Variants in PIK3C2A observed in about 807,000 individuals in gnomAD.
The protein encoded by PIK3C2A is phosphatidylinositol-4-phosphate 3-kinase catalytic subunit type 2 alpha.
Under a neutral mutation model 204.5 loss-of-function variants are expected in PIK3C2A, and 97 were observed. The observed-to-expected ratio is 0.47, with a 90% confidence interval of 0.40 to 0.56. The LOEUF is 0.56. Among genes scored for constraint, PIK3C2A ranks in the 20% least tolerant of loss-of-function variants. The pLI, the probability that PIK3C2A is intolerant of heterozygous loss-of-function variation, is 0.00. For missense variants in PIK3C2A, 1,735 were observed against 1,969.2 expected (o/e 0.88, Z 2.25); for synonymous variants, 653 against 664.4 (o/e 0.98, Z 0.26).
At chr11:17,099,499 T>C (rs967105841) in intron 26 of PIK3C2A, among the ~76,000 whole-genome samples, 4 of 152,104 alleles carry the variant, frequency 2.6e-5, no homozygotes, top group African/African-American at 9.7e-5. Context: ...TGAACTGAGA[T>C]TGCACCACTG....
chr11:17,119,193 A>C, intron 17 of PIK3C2A, 27 bp downstream of exon 17: 1 of 1,204,104 alleles, frequency 8.3e-7, no homozygotes. Flanking sequence ...GAAAGTATAA[A>C]GGGAGGTAAT....
At chr11:17,119,699 G>T in intron 16 of PIK3C2A, 87 bp downstream of exon 16, 1 of 768,488 alleles carries the variant, frequency 1.3e-6, no homozygotes, top group Non-Finnish European at 2.1e-6. Flanking sequence ...TTGCTTTCAT[G>T]TTAAAAGGAA....
At chr11:17,138,024 G>A in intron 8 of PIK3C2A, 1 of 629,656 alleles carries the variant, frequency 1.6e-6, no homozygotes. Flanking sequence ...CTTTCACAAT[G>A]ATTTTCTGCT....
At position 17,168,951 on chromosome 11, in the gene PIK3C2A, T is replaced by G. The variant is rs771017928; in HGVS notation, c.791A>C (p.Asp264Ala). 2 of 1,614,150 alleles carry G rather than the reference T, an allele frequency of 1.2e-6. No homozygotes were observed. The highest frequency in any genetic ancestry group is 1.7e-6 in the Non-Finnish European group (2 of 1,180,024). ...GTCTAACCAGTCAAATTTACTGATA[T>G]CCTCAGACTTTGGAGATACCTGTAG... ...SNLQVSPKSE[D>A]ISKFDWLDLD... The change falls in exon 2 of 33, where the codon GAT becomes GCT. Residue 264 changes from aspartate to alanine, a missense_variant. Asp to Ala is a moderately radical substitution (Grantham distance 126, BLOSUM62 -2). Coordinates refer to ENST00000691414, the MANE Select transcript of PIK3C2A (RefSeq NM_002645.4).
Position 17,091,475 on chromosome 11 carries a change from G to A in PIK3C2A, c.4753-16C>T, listed in dbSNP as rs2137259714. The A allele has an allele frequency of 6.2e-7, 1 of 1,610,712 alleles. No homozygotes were observed. Among genetic ancestry groups the A allele is most frequent in the Non-Finnish European group, 8.5e-7 (1 of 1,178,736 alleles). On this transcript the variant is annotated splice_polypyrimidine_tract_variant and intron_variant, in intron 31 of 32. Transcript: ENST00000691414. ...CTTCAGTAACCTAAAAAGAAAAGCAGTCCCTTAATAGTAATGCTTCCTACC... is the reference window on the plus strand; with the variant it reads ...CTTCAGTAACCTAAAAAGAAAAGCAATCCCTTAATAGTAATGCTTCCTACC...
intron 12 of PIK3C2A, among the ~76,000 whole-genome samples, chr11:17,131,159 G>C (rs1849681759): frequency 6.6e-6 from 1 of 152,152 alleles, no homozygotes; most frequent in Admixed American, 6.5e-5. Context: ...CTGCACTCTA[G>C]CCTGGGCAAC....
In PIK3C2A at chr11:17,100,253, G is replaced by T. The variant is rs1056784783; in HGVS notation, c.4009-284C>A. Among the ~76,000 whole-genome samples the T allele has an allele frequency of 8.1e-5, 10 of 122,872 alleles. 1 individual carries two copies. Among genetic ancestry groups the T allele is most frequent in the Middle Eastern group, 4.0e-3 (1 of 252 alleles). 80.6% of individuals were successfully genotyped at this position (122,872 alleles called of 152,430 possible). ...TCTAGGCTCTTTTTTTGGGGGCGGG[G>T]GGGGGGGGCAGGGAGCCGGGTGCGA... On this transcript the variant is annotated intron_variant, in intron 25 of 32. Coordinates refer to ENST00000691414, the MANE Select transcript of PIK3C2A (RefSeq NM_002645.4).
In PIK3C2A at chr11:17,117,579, C is replaced by T. The variant is rs760512361; in HGVS notation, c.3128G>A (p.Arg1043Lys). 7.4e-6 allele frequency: 12 copies of T among 1,613,614 alleles called. No homozygotes were observed. The highest frequency in any genetic ancestry group is 2.2e-5 in the South Asian group (2 of 91,084). ...TTTCGTCTGTTTTAGAAGTTCTTCT[C>T]TAAGTCGTTTTCCTCCTACTGACAG... Reference protein sequence around the residue: ...ALLSVGGKRLREELLKQTKLV... With the variant: ...ALLSVGGKRLKEELLKQTKLV... Residue 1043 changes from arginine to lysine, a missense_variant, in exon 19 of 33, where the codon AGA becomes AAA. Around this residue, in one of 6 missense-constraint regions of PIK3C2A, gnomAD observed 567 missense variants for 576.0 expected, o/e 0.98. Coordinates refer to ENST00000691414, the MANE Select transcript of PIK3C2A (RefSeq NM_002645.4).
At chr11:17,140,183 G>A (rs1388244226) in intron 8 of PIK3C2A, among the ~76,000 whole-genome samples, 2 of 152,162 alleles carry the variant, frequency 1.3e-5, no homozygotes, top group African/African-American at 2.4e-5. Context: ...GAGAAGCTGA[G>A]GTGGGAGGAT....
At chr11:17,151,781 T>C (rs1295415988) in intron 3 of PIK3C2A, among the ~76,000 whole-genome samples, 1 of 152,180 alleles carries the variant, frequency 6.6e-6, no homozygotes, top group Non-Finnish European at 1.5e-5. Context: ...TCTTGTCAAA[T>C]AACTGAGTTA....
Position 17,128,273 on chromosome 11 carries a change from CT to C in PIK3C2A, c.2399+1026del, listed in dbSNP as rs754387936. ...TTTTTCTTTTAGAACTTTAGAGATG[CT>C]TTTTTTTTTTTTTGGCGGGGGGTGG... On this transcript the variant is annotated intron_variant, in intron 13 of 32. Coordinates refer to ENST00000691414, the MANE Select transcript of PIK3C2A (RefSeq NM_002645.4). Among the ~76,000 whole-genome samples, 772 of 85,792 alleles carry C rather than the reference CT, an allele frequency of 9.0e-3. 4 individuals carry two copies. Among genetic ancestry groups the C allele is most frequent in the African/African-American group, 0.017 (374 of 22,410 alleles). The allele number at this position is 85,792 out of a possible 152,430, so 56.3% of individuals were successfully genotyped here.
chr11:17,159,232 T>G (rs185630198), intron 2 of PIK3C2A, among the ~76,000 whole-genome samples: 1 of 152,358 alleles, frequency 6.6e-6, no homozygotes, highest in African/African-American at 2.4e-5. Flanking sequence ...TTGTCTCCCC[T>G]TTCTAGCCCA....
rs200680389 is a variant in PIK3C2A, at chr11:17,122,688, A to G, written c.2511+14T>C. 38 of 1,079,046 alleles carry G rather than the reference A, an allele frequency of 3.5e-5. No homozygotes were observed. The East Asian group carries it at 8.7e-4, about 25-fold the overall frequency. 66.8% of individuals were successfully genotyped at this position (1,079,046 alleles called of 1,614,324 possible). ...TAAATGTACACCTCTCTACATGTCA[A>G]GAAGTACCATTACCTGTAGCACTAT... On this transcript the variant is annotated intron_variant, in intron 14 of 32. Transcript: ENST00000691414.
intron 15 of PIK3C2A, among the ~76,000 whole-genome samples, chr11:17,121,380 G>A (rs570969585): frequency 1.3e-5 from 2 of 152,118 alleles, no homozygotes; most frequent in African/African-American, 4.8e-5. Context: ...GCCTTCCAAA[G>A]TGTCAAGAGT....
chr11:17,119,385 A>G lies in PIK3C2A; in HGVS notation c.2847-72T>C, dbSNP rs992724144. ...GTGAAGCTGTATTTTTTGAAAACAC[A>G]ATCTCAATCTGGTCCTGACAAAGAA... On this transcript the variant is annotated intron_variant, in intron 16 of 32. Coordinates refer to ENST00000691414, the MANE Select transcript of PIK3C2A (RefSeq NM_002645.4). 7.2e-6 allele frequency: 6 copies of G among 836,618 alleles called. No individual in the cohort carries two copies. In the African/African-American group the frequency reaches 1.0e-4, roughly 14 times the overall value. 51.8% of individuals were successfully genotyped at this position (836,618 alleles called of 1,614,324 possible). A position where few individuals can be genotyped will look rare whatever the true frequency, so the allele number is the denominator to read the frequency against.
Position 17,105,150 on chromosome 11 carries a change from G to C in PIK3C2A, c.3681+19C>G. On this transcript the variant is annotated intron_variant, in intron 23 of 32. Transcript: ENST00000691414. ...CATTTTTGACAAAGCTTTTTAGAAT[G>C]AGGAGACATGCTAATTACCTTTTCA... is the stretch of plus-strand genomic sequence containing the variant. The C allele has an allele frequency of 6.3e-7, 1 of 1,596,584 alleles. No individual in the cohort carries two copies. The highest frequency in any genetic ancestry group is 1.1e-5 in the South Asian group (1 of 90,300).
In PIK3C2A at chr11:17,091,554, T is replaced by G. The variant is rs753368022; in HGVS notation, c.4745A>C (p.Lys1582Thr). Reference protein sequence around the residue: ...GTLFIMVMHIKDLVTEDGADP... With the variant: ...GTLFIMVMHITDLVTEDGADP... Reference sequence around the variant, plus strand: ...TTCTTTGTAATCACTCACAAGATCTTTGATATGCATCACCATGATGAAAAG... The same window carrying G: ...TTCTTTGTAATCACTCACAAGATCTGTGATATGCATCACCATGATGAAAAG... Residue 1582 changes from lysine (K) to threonine (T), a missense_variant, in exon 31 of 33, where the codon AAA (lysine) becomes ACA (threonine). Coordinates refer to ENST00000691414, the MANE Select transcript of PIK3C2A (RefSeq NM_002645.4). 9 of 1,609,320 alleles carry G rather than the reference T, an allele frequency of 5.6e-6. No homozygotes were observed. The highest frequency in any genetic ancestry group is 6.8e-6 in the Non-Finnish European group (8 of 1,176,068).
At chr11:17,104,288 T>C (rs1848733229) in intron 23 of PIK3C2A, among the ~76,000 whole-genome samples, 1 of 152,180 alleles carries the variant, frequency 6.6e-6, no homozygotes, top group Non-Finnish European at 1.5e-5. Flanking sequence ...TATACAACTT[T>C]CACTATGCAG....
In PIK3C2A at chr11:17,168,868, C is replaced by G; in HGVS notation, c.874G>C (p.Glu292Gln). 1 of 1,614,130 alleles carries G rather than the reference C, an allele frequency of 6.2e-7. No individual in the cohort carries two copies. ...GCTAGCAAACTTGAAACATTTTTCTCTTCCTCATGGTCTAATACCTCCACA... is the reference window on the plus strand; with the variant it reads ...GCTAGCAAACTTGAAACATTTTTCTGTTCCTCATGGTCTAATACCTCCACA... ...DNVEVLDHEE[E>Q]KNVSSLLAKD... The change falls in exon 2 of 33, where the codon GAG becomes CAG. Residue 292 changes from glutamate to glutamine, a missense_variant. Physicochemically the swap from Glu to Gln is conservative, Grantham distance 29. Transcript: ENST00000691414.
Sources: gnomAD v4.1 joint callset for allele counts (sites outside exome capture counted in the v4.1 genomes callset) on GRCh38, gnomAD v4.1.1 for gene constraint, gnomAD v4.1.1 regional missense constraint, MANE v1.5 for transcripts, NCBI Gene and HGNC (gene_info 2026-07-23, HGNC 2026-07-21) for gene names.